IL15RA: variants seen among roughly 807,000 people sequenced by gnomAD.
IL15RA encodes interleukin-15 receptor subunit alpha.
IL15RA carries 26 observed loss-of-function variants against 24.2 expected under a neutral mutation model. The ratio of observed to expected loss-of-function variants is 1.07; its 90% CI spans 0.79 to 1.49. The LOEUF (loss-of-function observed/expected upper bound fraction) is 1.49. IL15RA is among the 40% of genes most tolerant of loss of function. IL15RA has a pLI of 0.00. For synonymous variants in IL15RA, 166 were observed against 157.6 expected, an observed-to-expected ratio of 1.05 and a Z score of -0.40; for missense variants, 354 against 356.4, an observed-to-expected ratio of 0.99 and a Z score of 0.05.
At position 5,966,743 on chromosome 10, in the gene IL15RA, C is replaced by T. The variant is rs1035126485; in HGVS notation, c.89-404G>A. On this transcript the variant is annotated intron_variant, in intron 1 of 6. Transcript: ENST00000379977. The surrounding 1 kb of genome is among the most constrained non-coding windows in gnomAD (Gnocchi z 6.4). ...CTGCAGGCTCTCCCACAGGTCTCTG[C>T]GGCCAGCATCACCTTTAGAAATGCA... Among the ~76,000 whole-genome samples, 3 of 152,098 alleles carry T rather than the reference C, an allele frequency of 2.0e-5. No individual in the cohort carries two copies. Among genetic ancestry groups the T allele is most frequent in the Admixed American group, 6.5e-5 (1 of 15,268 alleles).
In IL15RA at chr10:5,962,923, G is replaced by A. The variant is rs1399247354; in HGVS notation, c.382+820C>T. Among the ~76,000 whole-genome samples, 1 of 152,208 alleles carries A rather than the reference G, an allele frequency of 6.6e-6. No individual in the cohort carries two copies. On this transcript the variant is annotated intron_variant, in intron 3 of 6. Coordinates refer to ENST00000379977, the MANE Select transcript of IL15RA (RefSeq NM_002189.4). The surrounding 1 kb of genome is among the most constrained non-coding windows in gnomAD (Gnocchi z 5.2). Reference sequence around the variant, plus strand: ...TTCAAATTTTCTGAACACTGAGAAAGCGCTGAGGAAATTGGGCCTGACAAG... The same window carrying A: ...TTCAAATTTTCTGAACACTGAGAAAACGCTGAGGAAATTGGGCCTGACAAG...
chr10:5,960,044 G>C lies in IL15RA; in HGVS notation c.584-258C>G, dbSNP rs1835231477. Among the ~76,000 whole-genome samples, 1 of 152,194 alleles carries C rather than the reference G, an allele frequency of 6.6e-6. No homozygotes were observed. The highest frequency in any genetic ancestry group is 2.1e-4 in the South Asian group (1 of 4,826). Reference sequence around the variant, plus strand: ...ATTCCACAGATCCTGGCCCCGGACTGTAGGCAGCTTCACCACCTCCTACTG... The same window carrying C: ...ATTCCACAGATCCTGGCCCCGGACTCTAGGCAGCTTCACCACCTCCTACTG... On this transcript the variant is annotated intron_variant, in intron 4 of 6. Coordinates refer to ENST00000379977, the MANE Select transcript of IL15RA (RefSeq NM_002189.4). The surrounding 1 kb of genome is among the most constrained non-coding windows in gnomAD (Gnocchi z 5.1).
At chr10:5,954,049 A>G (rs1205811069) in intron 6 of IL15RA, 7 of 152,236 alleles carry the variant, frequency 4.6e-5, no homozygotes, top group Non-Finnish European at 1.0e-4. Flanking sequence ...TAATTTGCTA[A>G]CAGCCAATTT....
At chr10:5,956,553 G>T (rs1294321648) in intron 5 of IL15RA, 99 bp from the exon 6 acceptor site, 4 of 856,078 alleles carry the variant, frequency 4.7e-6, no homozygotes, top group Admixed American at 3.9e-5. Flanking sequence ...GGATCCAAGT[G>T]CCTCCCAACC....
chr10:5,974,023 A>G (rs536838067), intron 1 of IL15RA, among the ~76,000 whole-genome samples: 2 of 151,556 alleles, frequency 1.3e-5, no homozygotes, highest in African/African-American at 4.8e-5. Context: ...AAAAAAAAAG[A>G]CAGTCTCGCT....
rs41294175 is a variant in IL15RA at position 5,965,227 on chromosome 10, T to TAA, written c.283+916_283+917dup. 9.8e-3 allele frequency among the ~76,000 whole-genome samples: 1,463 copies of TAA among 149,312 alleles called. 29 individuals are homozygous for TAA. Among genetic ancestry groups the TAA allele is most frequent in the African/African-American group, 0.034 (1,400 of 40,962 alleles). The stretch of plus-strand genomic sequence containing the variant: ...GGACGTTTATCCAGGTGCAGACAGT[T>TAA]AAAAAAAAAAGTTGATTCTTGCCAC... On this transcript the variant is annotated intron_variant, in intron 2 of 6. Transcript: ENST00000379977. This position sits in a 1 kb window ranked among gnomAD's most constrained non-coding sequence, Gnocchi z 5.8.
upstream of IL15RA, chr10:5,977,779 A>G (rs1838695427): frequency 1.7e-6 from 1 of 586,436 alleles, no homozygotes; most frequent in Non-Finnish European, 2.5e-6. Context: ...GACCTTACCC[A>G]CGCAAGCCCG....
rs929298625 is a variant in IL15RA, at chr10:5,975,584, G to A, written c.88+1821C>T. Among the ~76,000 whole-genome samples, 1 of 130,008 alleles carries A rather than the reference G, an allele frequency of 7.7e-6. No homozygotes were observed. Among genetic ancestry groups the A allele is most frequent in the African/African-American group, 2.7e-5 (1 of 36,820 alleles). 85.3% of individuals were successfully genotyped at this position (130,008 alleles called of 152,430 possible). ...CGGTCAATTATACCTCAATAAGGCTGTTAAAGGGAAAAAAAACAACGGCTG... is the reference window on the plus strand; with the variant it reads ...CGGTCAATTATACCTCAATAAGGCTATTAAAGGGAAAAAAAACAACGGCTG... On this transcript the variant is annotated intron_variant, in intron 1 of 6. Transcript: ENST00000379977. This position sits in a 1 kb window ranked among gnomAD's most constrained non-coding sequence, Gnocchi z 4.8.
In IL15RA at chr10:5,955,922, T is replaced by A. The variant is rs1248537481; in HGVS notation, c.692+457A>T. On this transcript the variant is annotated intron_variant, in intron 6 of 6. Coordinates refer to ENST00000379977, the MANE Select transcript of IL15RA (RefSeq NM_002189.4). This position sits in a 1 kb window ranked among gnomAD's most constrained non-coding sequence, Gnocchi z 5.3. ...CACTGCTCCTCGGCTCTGGCACTCA[T>A]TGGCTCCTAGAGAAGGGGTGTGTGA... Among the ~76,000 whole-genome samples the A allele has an allele frequency of 6.6e-6, 1 of 152,136 alleles. No individual in the cohort carries two copies. The highest frequency in any genetic ancestry group is 6.5e-5 in the Admixed American group (1 of 15,284).
rs1338099466 is a variant in IL15RA, at chr10:5,961,794, G to A, written c.383-1227C>T. ...CAGCCACGGAATCTAGGAAACGTGA[G>A]GCCAAGCGCTGTGGCTCTCTGGACG... On this transcript the variant is annotated intron_variant, in intron 3 of 6. Transcript: ENST00000379977. This position sits in a 1 kb window ranked among gnomAD's most constrained non-coding sequence, Gnocchi z 5.2. Among the ~76,000 whole-genome samples, 1 of 152,236 alleles carries A rather than the reference G, an allele frequency of 6.6e-6. No homozygotes were observed.
chr10:5,966,377 T>G lies in IL15RA; in HGVS notation c.89-38A>C. The G allele has an allele frequency of 6.4e-7, 1 of 1,558,472 alleles. No homozygotes were observed. Among genetic ancestry groups the G allele is most frequent in the Non-Finnish European group, 8.8e-7 (1 of 1,133,378 alleles). On this transcript the variant is annotated intron_variant, in intron 1 of 6. Coordinates refer to ENST00000379977, the MANE Select transcript of IL15RA (RefSeq NM_002189.4). The surrounding 1 kb of genome is among the most constrained non-coding windows in gnomAD (Gnocchi z 6.4). ...AGAGGACAGGGGACGGTGAAGAGGT[T>G]TCCACTTGTAAGAGGCGTTCTCCAG...
Position 5,966,185 on chromosome 10 carries a change from C to A in IL15RA, c.243G>T (p.Thr81=). 6.2e-7 allele frequency: 1 copy of A among 1,613,032 alleles called. No individual in the cohort carries two copies. Among genetic ancestry groups the A allele is most frequent in the Non-Finnish European group, 8.5e-7 (1 of 1,179,046 alleles). ...SLTECVLNKA[T]NVAHWTTPSL... ...TGGGGGTTGTCCAGTGGGCGACATTCGTGGCCTTGTTCAACACGCACTCCG... is the reference window on the plus strand; with the variant it reads ...TGGGGGTTGTCCAGTGGGCGACATTAGTGGCCTTGTTCAACACGCACTCCG... Residue 81 remains threonine (T), a synonymous_variant, in exon 2 of 7, where the codon ACG becomes ACT. Transcript: ENST00000379977. This position sits in a 1 kb window ranked among gnomAD's most constrained non-coding sequence, Gnocchi z 6.4.
At position 5,961,016 on chromosome 10, in the gene IL15RA, CA is replaced by C. The variant is rs1835419719; in HGVS notation, c.383-450del. On this transcript the variant is annotated intron_variant, in intron 3 of 6. Transcript: ENST00000379977. The surrounding 1 kb of genome is among the most constrained non-coding windows in gnomAD (Gnocchi z 5.2). ...GCAACCTCTGCCTTCCGGGTTCAGG[CA>C]ATTCTCCCTGCCTCAGCCTCCCAAG... is the stretch of plus-strand genomic sequence containing the variant. Among the ~76,000 whole-genome samples, 1 of 152,126 alleles carries C rather than the reference CA, an allele frequency of 6.6e-6. No individual in the cohort carries two copies. The highest frequency in any genetic ancestry group is 2.4e-5 in the African/African-American group (1 of 41,414).
intron 5 of IL15RA, among the ~76,000 whole-genome samples, chr10:5,957,797 G>A (rs1185915956): frequency 6.6e-6 from 1 of 151,928 alleles, no homozygotes; most frequent in Non-Finnish European, 1.5e-5. Context: ...TTGCTATGTT[G>A]GCCAGGCTGG....
In IL15RA at chr10:5,956,558, C is replaced by A. The variant is rs1834547590; in HGVS notation, c.617-104G>T. The A allele has an allele frequency of 6.2e-6, 5 of 802,628 alleles. No individual in the cohort carries two copies. The Admixed American group carries it at 1.0e-4, about 16-fold the overall frequency. The allele number at this position is 802,628 out of a possible 1,614,324, so 49.7% of individuals were successfully genotyped here. A position where few individuals can be genotyped will look rare whatever the true frequency, so the allele number is the denominator to read the frequency against. The stretch of plus-strand genomic sequence containing the variant: ...TCTTACAGAGGGATCCAAGTGCCTC[C>A]CAACCAGCCTCCTGCTAAGGACATT... On this transcript the variant is annotated intron_variant, in intron 5 of 6. Transcript: ENST00000379977.
rs41294157 is a variant in IL15RA at position 5,961,417 on chromosome 10, G to GT, written c.383-851dup. ...AGACCCCTGTCTCTTAAAAAAAAAG[G>GT]TGGGGGGAAGAAAAGAAAAGGTGTC... On this transcript the variant is annotated intron_variant, in intron 3 of 6. Transcript: ENST00000379977. The surrounding 1 kb of genome is among the most constrained non-coding windows in gnomAD (Gnocchi z 5.2). 0.42 allele frequency among the ~76,000 whole-genome samples: 61,558 copies of GT among 148,040 alleles called. 13,015 individuals carry two copies. Among genetic ancestry groups the GT allele is most frequent in the East Asian group, 0.73 (3,730 of 5,112 alleles).
Position 5,959,462 on chromosome 10 carries a change from C to T in IL15RA, c.616+292G>A, listed in dbSNP as rs557742344. On this transcript the variant is annotated intron_variant, in intron 5 of 6. Transcript: ENST00000379977. The surrounding 1 kb of genome is among the most constrained non-coding windows in gnomAD (Gnocchi z 4.1). ...GGATGCTCCATGCAAAAGAGGTGCA[C>T]CCTGCTGTGAAGAGCTGACCTTGAG... Among the ~76,000 whole-genome samples, 3 of 152,202 alleles carry T rather than the reference C, an allele frequency of 2.0e-5. No homozygotes were observed. Among genetic ancestry groups the T allele is most frequent in the African/African-American group, 4.8e-5 (2 of 41,468 alleles).
intron 5 of IL15RA, 78 bp from the exon 6 acceptor site, chr10:5,956,532 T>G (rs1015245805): frequency 1.8e-6 from 2 of 1,107,150 alleles, no homozygotes; most frequent in Admixed American, 3.7e-5. Context: ...ACCATGGATG[T>G]TCTTACAGAG....
rs1021304985 is a variant in IL15RA at position 5,963,555 on chromosome 10, C to A, written c.382+188G>T. Among the ~76,000 whole-genome samples the A allele has an allele frequency of 1.3e-5, 2 of 152,184 alleles. No individual in the cohort carries two copies. The highest frequency in any genetic ancestry group is 4.8e-5 in the African/African-American group (2 of 41,414). On this transcript the variant is annotated intron_variant, in intron 3 of 6. Coordinates refer to ENST00000379977, the MANE Select transcript of IL15RA (RefSeq NM_002189.4). The surrounding 1 kb of genome is among the most constrained non-coding windows in gnomAD (Gnocchi z 5.3). ...TTCTGCACATATAACACCTGGATAT[C>A]AAGCAACTTTGATTTGAAAAAGAAA...
Sources: allele counts gnomAD v4.1 joint callset (sites outside exome capture counted in the v4.1 genomes callset), GRCh38; gene constraint gnomAD v4.1.1; non-coding constraint Gnocchi (gnomAD v3.1); transcripts MANE v1.5; gene names NCBI Gene and HGNC (gene_info 2026-07-23, HGNC 2026-07-21).